Variants in KLHL1 observed in about 807,000 individuals in gnomAD.
The protein encoded by KLHL1 is kelch-like protein 1.
Under a neutral mutation model 77.7 loss-of-function variants are expected in KLHL1, and 47 were observed. That is an observed-to-expected ratio of 0.60 (90% CI 0.48 to 0.77). The LOEUF (loss-of-function observed/expected upper bound fraction) is 0.77. Among genes scored for constraint, KLHL1 ranks in the 30% least tolerant of loss-of-function variants. The pLI is 0.00. For synonymous variants in KLHL1, 360 were observed against 325.2 expected (o/e 1.11, Z -1.15); for missense variants, 925 against 910.8 (o/e 1.02, Z -0.20).
At chr13:70,012,489 G>T (rs957263007) in intron 1 of KLHL1, among the ~76,000 whole-genome samples, 7 of 151,934 alleles carry the variant, frequency 4.6e-5, no homozygotes, top group African/African-American at 1.7e-4. Context: ...CTCCAGGAAC[G>T]CCATTTAAGG....
chr13:69,763,718 G>C (rs1305807373), intron 7 of KLHL1, among the ~76,000 whole-genome samples: 1 of 152,214 alleles, frequency 6.6e-6, no homozygotes, highest in Non-Finnish European at 1.5e-5. Flanking sequence ...GGAAGCCAAT[G>C]TTCTGAAACT....
At chr13:69,887,182 T>C (rs1445223032) in intron 4 of KLHL1, among the ~76,000 whole-genome samples, 3 of 152,198 alleles carry the variant, frequency 2.0e-5, no homozygotes, top group Non-Finnish European at 4.4e-5. Flanking sequence ...GATATATGCA[T>C]GGTTCTACTA....
chr13:69,902,683 C>T (rs1263079673), intron 4 of KLHL1, among the ~76,000 whole-genome samples: 3 of 145,008 alleles, frequency 2.1e-5, no homozygotes, highest in Non-Finnish European at 4.5e-5. Flanking sequence ...CATGTTCTCA[C>T]TCATAGGTGG....
intron 8 of KLHL1, among the ~76,000 whole-genome samples, chr13:69,730,267 A>ATGTGTGTG (rs56271435): frequency 7.0e-6 from 1 of 143,826 alleles, no homozygotes; most frequent in African/African-American, 2.8e-5. Context: ...TAACACTTTA[A>ATGTGTGTG]TGTGTGTGTG....
chr13:69,979,841 G>C (rs1884656906), intron 1 of KLHL1, among the ~76,000 whole-genome samples: 1 of 152,072 alleles, frequency 6.6e-6, no homozygotes, highest in South Asian at 2.1e-4. Context: ...AAATTGTTTT[G>C]ATCTCTTGAA....
intron 1 of KLHL1, among the ~76,000 whole-genome samples, chr13:70,104,455 G>A (rs1887998629): frequency 6.6e-6 from 1 of 152,082 alleles, no homozygotes; most frequent in Non-Finnish European, 1.5e-5. Flanking sequence ...TTCCCCAAAT[G>A]TCCTCCATCT....
In KLHL1 at chr13:69,737,570, C is replaced by T. The variant is rs111478710; in HGVS notation, c.1802+2824G>A. 5.5e-3 allele frequency among the ~76,000 whole-genome samples: 842 copies of T among 152,294 alleles called. 9 individuals carry two copies. Among genetic ancestry groups the T allele is most frequent in the African/African-American group, 0.019 (781 of 41,570 alleles). On this transcript the variant is annotated intron_variant, in intron 8 of 10. Coordinates refer to ENST00000377844, the MANE Select transcript of KLHL1 (RefSeq NM_020866.3). ...TGCTGCTGGTGCCAGCAAGACTGGG[C>T]GGTCTGGACTGGGAGCAAACTTCTC... is the stretch of plus-strand genomic sequence containing the variant.
chr13:69,941,482 C>T (rs1229577969), intron 3 of KLHL1, among the ~76,000 whole-genome samples: 2 of 151,858 alleles, frequency 1.3e-5, no homozygotes, highest in African/African-American at 4.8e-5. Context: ...CGATAAATGC[C>T]TATAAATGCC....
chr13:69,959,066 A>G (rs945052347), intron 3 of KLHL1, among the ~76,000 whole-genome samples: 18 of 152,088 alleles, frequency 1.2e-4, no homozygotes, highest in African/African-American at 4.1e-4. Flanking sequence ...CTGTAAACTC[A>G]CAACTAAAAA....
chr13:69,990,101 A>T (rs1405770385), intron 1 of KLHL1, among the ~76,000 whole-genome samples: 1 of 152,028 alleles, frequency 6.6e-6, no homozygotes, highest in Non-Finnish European at 1.5e-5. Flanking sequence ...AAGGATAAAT[A>T]AGATCCTTTA....
chr13:70,076,711 C>G lies in KLHL1; in HGVS notation c.497+30492G>C, dbSNP rs371072035. The stretch of plus-strand genomic sequence containing the variant: ...ATCAGCAGAATGTAAAGCCACAGAC[C>G]AGGAGAAAATTTTTATAAAATATAT... On this transcript the variant is annotated intron_variant, in intron 1 of 10. Transcript: ENST00000377844. Among the ~76,000 whole-genome samples, 71 of 151,744 alleles carry G rather than the reference C, an allele frequency of 4.7e-4. 1 individual carries two copies. The South Asian group carries it at 0.014, about 31-fold the overall frequency.
At chr13:69,796,627 C>A in intron 7 of KLHL1, 111 bp downstream of exon 7, 1 of 832,580 alleles carries the variant, frequency 1.2e-6, no homozygotes, top group Non-Finnish European at 1.8e-6. Context: ...TCAGGTATTC[C>A]TTTATCGCAA....
intron 2 of KLHL1, among the ~76,000 whole-genome samples, chr13:69,974,250 T>C (rs1003920429): frequency 4.6e-5 from 7 of 151,182 alleles, no homozygotes; most frequent in African/African-American, 1.7e-4. Context: ...ATGTATTTAG[T>C]TTAATATATT....
chr13:69,996,920 T>A (rs2137320390), intron 1 of KLHL1, among the ~76,000 whole-genome samples: 1 of 102,234 alleles, frequency 9.8e-6, no homozygotes. Context: ...ATTTTTTTTT[T>A]TTTTTTTTTT....
At chr13:69,963,907 G>C (rs1884139734) in intron 2 of KLHL1, among the ~76,000 whole-genome samples, 1 of 151,866 alleles carries the variant, frequency 6.6e-6, no homozygotes, top group African/African-American at 2.4e-5. Context: ...TCATTTATCT[G>C]AAGACTTATT....
At chr13:69,898,894 G>T (rs1307400243) in intron 4 of KLHL1, among the ~76,000 whole-genome samples, 1 of 152,128 alleles carries the variant, frequency 6.6e-6, no homozygotes. Context: ...ATTATAAGTG[G>T]TCCAATGCTG....
rs758300782 is a variant in KLHL1 at position 69,794,982 on chromosome 13, T to C, written c.1639+1756A>G. Reference sequence around the variant, plus strand: ...GTAAATCAAAGGCTGAAACTTTACATTGGAAGAGCAGCAATCTTAGGCCGA... The same window carrying C: ...GTAAATCAAAGGCTGAAACTTTACACTGGAAGAGCAGCAATCTTAGGCCGA... On this transcript the variant is annotated intron_variant, in intron 7 of 10. Transcript: ENST00000377844. 9.2e-5 allele frequency among the ~76,000 whole-genome samples: 14 copies of C among 152,300 alleles called. No homozygotes were observed. The East Asian group carries it at 1.4e-3, about 15-fold the overall frequency.
At chr13:69,861,671 CTGGCGCAG>C (rs1226105443) in intron 5 of KLHL1, among the ~76,000 whole-genome samples, 2 of 151,214 alleles carry the variant, frequency 1.3e-5, no homozygotes, top group Non-Finnish European at 2.9e-5. Context: ...AAAAGCAAGC[CTGGCGCAG>C]TGGCTCACGC....
At chr13:69,756,333 T>C (rs1874735536) in intron 7 of KLHL1, among the ~76,000 whole-genome samples, 2 of 152,154 alleles carry the variant, frequency 1.3e-5, no homozygotes, top group Non-Finnish European at 1.5e-5. Flanking sequence ...TTTGAAGACT[T>C]CTATATATTT....
Sources: gnomAD v4.1 joint callset for allele counts (sites outside exome capture counted in the v4.1 genomes callset) on GRCh38, gnomAD v4.1.1 for gene constraint, MANE v1.5 for transcripts, NCBI Gene and HGNC (gene_info 2026-07-23, HGNC 2026-07-21) for gene names.